The following UHRF2 variants were observed in gnomAD, a reference collection of about 807,000 sequenced individuals.
UHRF2 encodes the protein E3 ubiquitin-protein ligase UHRF2.
A neutral mutation model predicts 96.8 loss-of-function variants in UHRF2; 23 were observed. The ratio of observed to expected loss-of-function variants is 0.24; its 90% confidence interval spans 0.17 to 0.34. The LOEUF (loss-of-function observed/expected upper bound fraction) is 0.34. Among genes scored for constraint, UHRF2 ranks in the 10% least tolerant of loss-of-function variants. UHRF2 has a pLI of 1.00. For synonymous variants in UHRF2, 385 were observed against 332.6 expected (o/e 1.16, Z -1.72); for missense variants, 685 against 981.5 (o/e 0.70, Z 4.04).
chr9:6,442,754 G>C (rs1337378776), intron 3 of UHRF2, among the ~76,000 whole-genome samples: 1 of 151,786 alleles, frequency 6.6e-6, no homozygotes, highest in Non-Finnish European at 1.5e-5. Context: ...GCCTCCTAAA[G>C]TCCTGGAAGT....
At chr9:6,436,313 G>A (rs943305585) in intron 3 of UHRF2, among the ~76,000 whole-genome samples, 12 of 152,166 alleles carry the variant, frequency 7.9e-5, no homozygotes, top group African/African-American at 2.9e-4. Context: ...TACTTGACAT[G>A]ATAGATGGTA....
Position 6,460,699 on chromosome 9 carries a change from T to G in UHRF2, c.771T>G (p.Pro257=), listed in dbSNP as rs774848298. The change falls in exon 4 of 16, where the codon CCT becomes CCG. Residue 257 remains proline, a synonymous_variant. Transcript: ENST00000276893. The stretch of plus-strand genomic sequence containing the variant: ...TGGTTAATTATAATGTAGAAAGTCC[T>G]GGACAAAGAGGATTCTGGTTTGATG... ...VVMVNYNVES[P]GQRGFWFDAE... The G allele has an allele frequency of 1.2e-6, 2 of 1,613,940 alleles. No individual in the cohort carries two copies. Among genetic ancestry groups the G allele is most frequent in the Non-Finnish European group, 1.7e-6 (2 of 1,179,960 alleles).
intron 9 of UHRF2, among the ~76,000 whole-genome samples, chr9:6,493,351 T>C (rs1824780900): frequency 6.6e-6 from 1 of 152,166 alleles, no homozygotes; most frequent in African/African-American, 2.4e-5. Flanking sequence ...GTAGTACTTA[T>C]TTATTGTCAA....
At chr9:6,485,691 G>T (rs140278518) in intron 8 of UHRF2, among the ~76,000 whole-genome samples, 1 of 144,424 alleles carries the variant, frequency 6.9e-6, no homozygotes, top group Non-Finnish European at 1.5e-5. Context: ...TTGGCCAGGC[G>T]TGGTGGCTCA....
At chr9:6,463,329 G>A (rs935754965) in intron 4 of UHRF2, among the ~76,000 whole-genome samples, 11 of 151,840 alleles carry the variant, frequency 7.2e-5, no homozygotes, top group Admixed American at 3.3e-4. Context: ...GGCAAATACC[G>A]GCTTGATAAA....
chr9:6,469,486 T>C (rs4556138), intron 4 of UHRF2, among the ~76,000 whole-genome samples: 48,401 of 151,240 alleles, frequency 0.32, 9,848 homozygotes, highest in African/African-American at 0.58. Context: ...CCACTGCACT[T>C]CAGCCTGGCG....
At position 6,443,336 on chromosome 9, in the gene UHRF2, C is replaced by T. The variant is rs1488238977; in HGVS notation, c.644+9163C>T. ...ATCTCATGTAATCTTCATAGAAACT[C>T]AGTGAAGTGTAGATGTTTTCTTATG... On this transcript the variant is annotated intron_variant, in intron 3 of 15. Transcript: ENST00000276893. Among the ~76,000 whole-genome samples the T allele has an allele frequency of 2.6e-5, 4 of 152,156 alleles. No individual in the cohort carries two copies. In the East Asian group the frequency reaches 7.7e-4, roughly 29 times the overall value.
At chr9:6,458,922 A>G (rs954028038) in intron 3 of UHRF2, among the ~76,000 whole-genome samples, 12 of 152,358 alleles carry the variant, frequency 7.9e-5, no homozygotes, top group Non-Finnish European at 1.6e-4. Flanking sequence ...TTGCAGGGAC[A>G]TAGATCAAGC....
At chr9:6,468,041 A>G (rs1822986309) in intron 4 of UHRF2, among the ~76,000 whole-genome samples, 1 of 152,078 alleles carries the variant, frequency 6.6e-6, no homozygotes, top group Admixed American at 6.5e-5. Flanking sequence ...GCTGATTACC[A>G]TTTAGTGTCC....
intron 4 of UHRF2, among the ~76,000 whole-genome samples, chr9:6,469,313 A>G (rs551989797): frequency 6.6e-6 from 1 of 152,176 alleles, no homozygotes; most frequent in South Asian, 2.1e-4. Context: ...AGGTCAGGAG[A>G]TCAAGACTAT....
At chr9:6,440,704 A>G (rs1309863961) in intron 3 of UHRF2, among the ~76,000 whole-genome samples, 1 of 152,184 alleles carries the variant, frequency 6.6e-6, no homozygotes, top group African/African-American at 2.4e-5. Context: ...GAAAATCTTT[A>G]TCCTGCTTTT....
At chr9:6,491,405 C>A (rs979276386) in intron 9 of UHRF2, among the ~76,000 whole-genome samples, 2 of 152,138 alleles carry the variant, frequency 1.3e-5, no homozygotes, top group African/African-American at 4.8e-5. Context: ...CCTAACCCAC[C>A]AGTAGTAGAT....
rs1261493267 is a variant in UHRF2, at chr9:6,481,920, CATCTCAGA to C, written c.1285-69_1285-62del. On this transcript the variant is annotated intron_variant, in intron 7 of 15. Transcript: ENST00000276893. ...ACATAAACAGTTGGGTTCCTAGTCA[CATCTCAGA>C]ATTAAGGGCTTTCATTAAAATTTAA... The C allele has an allele frequency of 3.8e-6, 6 of 1,563,996 alleles. No individual in the cohort carries two copies. In the African/African-American group the frequency reaches 6.8e-5, roughly 18 times the overall value.
intron 2 of UHRF2, among the ~76,000 whole-genome samples, chr9:6,433,064 C>G (rs2130765470): frequency 6.6e-6 from 1 of 152,260 alleles, no homozygotes; most frequent in South Asian, 2.1e-4. Context: ...TGGTCTTGAC[C>G]TCAAGTGATC....
intron 3 of UHRF2, among the ~76,000 whole-genome samples, chr9:6,447,221 T>A (rs1477913699): frequency 6.6e-6 from 1 of 152,194 alleles, no homozygotes; most frequent in Non-Finnish European, 1.5e-5. Context: ...ATTATGTTGT[T>A]TCTACTATTA....
intron 4 of UHRF2, among the ~76,000 whole-genome samples, chr9:6,461,619 G>A (rs541027498): frequency 6.6e-6 from 1 of 151,912 alleles, no homozygotes; most frequent in Admixed American, 6.6e-5. Flanking sequence ...TGATGTACCC[G>A]CCTCTGCCTC....
chr9:6,440,083 A>T (rs892816904), intron 3 of UHRF2, among the ~76,000 whole-genome samples: 1 of 152,206 alleles, frequency 6.6e-6, no homozygotes, highest in Non-Finnish European at 1.5e-5. Flanking sequence ...AGTTAAGATT[A>T]ACATTTTTAA....
At chr9:6,428,582 A>C (rs572856226) in intron 2 of UHRF2, among the ~76,000 whole-genome samples, 2 of 86,708 alleles carry the variant, frequency 2.3e-5, no homozygotes, top group East Asian at 4.0e-4. Flanking sequence ...GAACGATCTC[A>C]TTCTGTCACT....
rs543208934 is a variant in UHRF2 at position 6,421,436 on chromosome 9, G to A, written c.384+294G>A. Among the ~76,000 whole-genome samples the A allele has an allele frequency of 9.7e-4, 147 of 152,148 alleles. 2 individuals carry two copies. The highest frequency in any genetic ancestry group is 4.6e-4 in the Non-Finnish European group (31 of 68,016). The stretch of plus-strand genomic sequence containing the variant: ...TGTTTGTTTGTTTGTTTTTGATAAC[G>A]GAGGCTTGCTCTGTCACCCAGGCTG... On this transcript the variant is annotated intron_variant, in intron 2 of 15. Coordinates refer to ENST00000276893, the MANE Select transcript of UHRF2 (RefSeq NM_152896.3).
Sources: allele counts gnomAD v4.1 joint callset (sites outside exome capture counted in the v4.1 genomes callset), GRCh38; gene constraint gnomAD v4.1.1; transcripts MANE v1.5; gene names NCBI Gene and HGNC (gene_info 2026-07-23, HGNC 2026-07-21).